Variants in RBBP8 observed in about 807,000 individuals in gnomAD.
RBBP8 encodes RB binding protein 8, endonuclease.
In RBBP8, 88 loss-of-function variants were observed where a neutral mutation model predicts 108.3. The ratio of observed to expected loss-of-function variants is 0.81; its 90% CI spans 0.68 to 0.97. The LOEUF is 0.97. RBBP8 is among the 50% of genes least tolerant of loss of function. The pLI is 0.00. For missense variants in RBBP8, 1,023 were observed against 1,049.0 expected, an observed-to-expected ratio of 0.98 and a Z score of 0.34; for synonymous variants, 332 against 348.2, an observed-to-expected ratio of 0.95 and a Z score of 0.52.
At chr18:23,001,561 C>T in intron 14 of RBBP8, 25 bp from the exon 15 acceptor site, 1 of 1,613,822 alleles carries the variant, frequency 6.2e-7, no homozygotes, top group Non-Finnish European at 8.5e-7. Flanking sequence ...TGCTTATTGC[C>T]CTAAGCCAGT....
chr18:22,952,872 C>A (rs1409959606), intron 4 of RBBP8, among the ~76,000 whole-genome samples: 1 of 152,194 alleles, frequency 6.6e-6, no homozygotes, highest in African/African-American at 2.4e-5. Context: ...TCTACCATTA[C>A]ACCACTTTCT....
chr18:23,007,443 G>C (rs58992086), intron 16 of RBBP8, among the ~76,000 whole-genome samples: 25,409 of 151,696 alleles, frequency 0.17, 2,805 homozygotes, highest in African/African-American at 0.32. Flanking sequence ...GGTGGCTCAC[G>C]CTTGTAATCC....
At chr18:22,990,081 G>A (rs567134919) in intron 9 of RBBP8, among the ~76,000 whole-genome samples, 275 of 152,142 alleles carry the variant, frequency 1.8e-3, no homozygotes, top group African/African-American at 6.3e-3. Context: ...AATGATAATG[G>A]GTAGTTTTTA....
chr18:22,962,171 T>C (rs543166311), intron 4 of RBBP8, among the ~76,000 whole-genome samples: 93 of 152,316 alleles, frequency 6.1e-4, no homozygotes, highest in South Asian at 2.1e-3. Flanking sequence ...ATAAATCTCT[T>C]TCACATGATT....
rs1447650103 is a variant in RBBP8, at chr18:22,964,233, TATCTTTTC to T, written c.249-4572_249-4565del. 3.3e-5 allele frequency among the ~76,000 whole-genome samples: 5 copies of T among 152,124 alleles called. No individual in the cohort carries two copies. The East Asian group carries it at 9.6e-4, about 29-fold the overall frequency. ...TCCTCCCATCTCTATTCTGATTTTT[TATCTTTTC>T]TGTGTACTCTTTAAAAAGAAAAAAA... On this transcript the variant is annotated intron_variant, in intron 4 of 18. Transcript: ENST00000327155.
intron 18 of RBBP8, among the ~76,000 whole-genome samples, chr18:23,024,040 A>ATT (rs35157427): frequency 0.015 from 1,542 of 102,854 alleles, 37 homozygotes; most frequent in Middle Eastern, 0.049. Flanking sequence ...TACCCAGCCT[A>ATT]TTTTTTTTTT....
At chr18:22,921,890 ATTGT>A (rs1334186826) in intron 3 of RBBP8, among the ~76,000 whole-genome samples, 3 of 152,330 alleles carry the variant, frequency 2.0e-5, no homozygotes, top group Non-Finnish European at 2.9e-5. Context: ...CAAAGACTTT[ATTGT>A]TTAAGTTTTC....
upstream of RBBP8, among the ~76,000 whole-genome samples, chr18:22,929,750 T>G (rs1357416825): frequency 1.3e-5 from 2 of 152,046 alleles, no homozygotes; most frequent in Non-Finnish European, 2.9e-5. Context: ...AAAGCAAGTT[T>G]AGGAAGATCA....
Position 23,022,602 on chromosome 18 carries a change from A to AAAAATAAAATAAAATAAAATAAAT in RBBP8, c.2596+355_2596+356insTAAAATAAAATAAAATAAAATAAA, listed in dbSNP as rs1555649976. 6.4e-4 allele frequency among the ~76,000 whole-genome samples: 59 copies of AAAAATAAAATAAAATAAAATAAAT among 92,404 alleles called. 12 individuals carry two copies. The highest frequency in any genetic ancestry group is 1.2e-3 in the Admixed American group (10 of 8,210). The allele number at this position is 92,404 out of a possible 152,430, so 60.6% of individuals were successfully genotyped here. The stretch of plus-strand genomic sequence containing the variant: ...GGGCGACAGAACAAGACTCTGTCTC[A>AAAAATAAAATAAAATAAAATAAAT]AAAATAAAATAAAATAAAATAAAAT... On this transcript the variant is annotated intron_variant, in intron 18 of 18. Transcript: ENST00000327155.
chr18:23,017,023 G>A (rs2046268111), intron 17 of RBBP8, 99 bp downstream of exon 17: 5 of 953,812 alleles, frequency 5.2e-6, no homozygotes, highest in Non-Finnish European at 4.9e-6. Context: ...ATTGGTTATA[G>A]AAACCTCTTA....
intron 3 of RBBP8, among the ~76,000 whole-genome samples, chr18:22,918,388 A>G (rs1049831641): frequency 6.6e-6 from 1 of 152,236 alleles, no homozygotes; most frequent in Non-Finnish European, 1.5e-5. Flanking sequence ...TATTGCTTCC[A>G]GGTTATAAAC....
chr18:22,949,671 A>T lies in RBBP8; in HGVS notation c.206A>T (p.Gln69Leu), dbSNP rs1486453047. ...FFTKNQQLREQQKVLHETIKV... is the reference protein window; with the variant it reads ...FFTKNQQLRELQKVLHETIKV... ...ACCAAAAATCAACAGCTGAGGGAAC[A>T]GCAGAAAGTCCTTCATGAAACCATT... Residue 69 changes from glutamine (Q) to leucine (L), a missense_variant, in exon 4 of 19, where the codon CAG becomes CTG. Gln to Leu is a moderately radical substitution (Grantham distance 113). Transcript: ENST00000327155. 6.2e-7 allele frequency: 1 copy of T among 1,613,614 alleles called. No individual in the cohort carries two copies. Among genetic ancestry groups the T allele is most frequent in the South Asian group, 1.1e-5 (1 of 91,070 alleles).
chr18:22,927,771 T>C (rs1489542164), intron 3 of RBBP8, among the ~76,000 whole-genome samples: 1 of 152,082 alleles, frequency 6.6e-6, no homozygotes, highest in Non-Finnish European at 1.5e-5. Flanking sequence ...TATGTGGCTC[T>C]GTGGGATAGT....
At chr18:22,964,161 G>A (rs1913357939) in intron 4 of RBBP8, among the ~76,000 whole-genome samples, 1 of 151,868 alleles carries the variant, frequency 6.6e-6, no homozygotes. Context: ...TTTTGAGATG[G>A]GATCTCATGT....
chr18:22,973,735 G>T (rs1485281802), intron 5 of RBBP8, among the ~76,000 whole-genome samples: 1 of 152,002 alleles, frequency 6.6e-6, no homozygotes, highest in Non-Finnish European at 1.5e-5. Flanking sequence ...CCCAGTCTTT[G>T]TTCCACTGAT....
At chr18:22,965,055 C>CTT (rs1913456282) in intron 4 of RBBP8, among the ~76,000 whole-genome samples, 1 of 152,036 alleles carries the variant, frequency 6.6e-6, no homozygotes, top group South Asian at 2.1e-4. Context: ...CATCATTTGA[C>CTT]TTAAAGTCAC....
chr18:22,984,980 TC>T lies in RBBP8; in HGVS notation c.701del (p.Pro234GlnfsTer20), dbSNP rs1388939449. The stretch of plus-strand genomic sequence containing the variant: ...CTGACACTTATGACCAAAGTCAATC[TC>T]CAATGGCCAGTAAGCAAGATACTGA... ...VADTYDQSQS[P>X]MAKAHGTSSY... On this transcript the variant is annotated frameshift_variant, in exon 8 of 19. Coordinates refer to ENST00000327155, the MANE Select transcript of RBBP8 (RefSeq NM_002894.3). LOFTEE classifies it high-confidence loss of function. The T allele has an allele frequency of 1.2e-6, 2 of 1,611,362 alleles. No homozygotes were observed. The highest frequency in any genetic ancestry group is 1.7e-6 in the Non-Finnish European group (2 of 1,178,178).
chr18:22,984,935 T>C lies in RBBP8; in HGVS notation c.654T>C (p.Asn218=). ...CAACTCATCCACAACATAATCCTAATGAAAATGAAATTCTAGTAGCTGACA... is the reference window on the plus strand; with the variant it reads ...CAACTCATCCACAACATAATCCTAACGAAAATGAAATTCTAGTAGCTGACA... ...KSSTHPQHNP[N]ENEILVADTY... Residue 218 remains asparagine, a synonymous_variant, in exon 8 of 19, where the codon AAT becomes AAC. Transcript: ENST00000327155. The C allele has an allele frequency of 1.2e-6, 2 of 1,611,828 alleles. No individual in the cohort carries two copies. The highest frequency in any genetic ancestry group is 1.7e-6 in the Non-Finnish European group (2 of 1,178,428).
chr18:22,938,476 G>A (rs1218336442), intron 2 of RBBP8, among the ~76,000 whole-genome samples: 6 of 152,136 alleles, frequency 3.9e-5, no homozygotes, highest in East Asian at 3.9e-4. Flanking sequence ...CGTGAGCTGC[G>A]CCCAGCCAGA....
Sources: allele counts gnomAD v4.1 joint callset (sites outside exome capture counted in the v4.1 genomes callset), GRCh38; gene constraint gnomAD v4.1.1; transcripts MANE v1.5; gene names NCBI Gene and HGNC (gene_info 2026-07-23, HGNC 2026-07-21).